Variants in BPIFA1 observed in about 807,000 individuals in gnomAD.
The protein encoded by BPIFA1 is BPI fold containing family A member 1.
Under a neutral mutation model 25.1 loss-of-function variants are expected in BPIFA1, and 24 were observed. That is an observed-to-expected ratio of 0.96 (90% CI 0.69 to 1.35). The LOEUF (loss-of-function observed/expected upper bound fraction) is 1.35. BPIFA1 is among the 40% of genes most tolerant of loss of function. The pLI is 0.00. For synonymous variants in BPIFA1, 139 were observed against 131.8 expected (o/e 1.05, Z -0.37); for missense variants, 344 against 303.7 (o/e 1.13, Z -0.99).
At position 33,237,756 on chromosome 20, in the gene BPIFA1, C is replaced by G; in HGVS notation, c.45C>G (p.Ala15=). 6.4e-7 allele frequency: 1 copy of G among 1,565,598 alleles called. No individual in the cohort carries two copies. The highest frequency in any genetic ancestry group is 8.6e-7 in the Non-Finnish European group (1 of 1,156,354). The stretch of plus-strand genomic sequence containing the variant: ...TCATTGTCTTCTACGGGCTGTTAGC[C>G]CAGACCATGGCCCAGTTTGGAGGCC... ...GGLIVFYGLL[A]QTMAQFGGLP... The change falls in exon 2 of 9, where the codon GCC becomes GCG. Residue 15 remains alanine (A), a synonymous_variant. Coordinates refer to ENST00000354297, the MANE Select transcript of BPIFA1 (RefSeq NM_130852.3).
At chr20:33,237,357 T>A (rs59991165) in intron 1 of BPIFA1, among the ~76,000 whole-genome samples, 3,073 of 152,182 alleles carry the variant, frequency 0.02, 94 homozygotes, top group African/African-American at 0.071. Flanking sequence ...CAAGATGGAG[T>A]GAGGTGAGGC....
Position 33,240,282 on chromosome 20 carries a change from A to C in BPIFA1, c.478A>C (p.Thr160Pro). The C allele has an allele frequency of 6.2e-7, 1 of 1,613,982 alleles. No individual in the cohort carries two copies. The highest frequency in any genetic ancestry group is 8.5e-7 in the Non-Finnish European group (1 of 1,179,860). ...GAGGCTGGCTGTGAAGCTGGACATCACTGCAGAAATCTTAGCTGTGAGAGA... is the reference window on the plus strand; with the variant it reads ...GAGGCTGGCTGTGAAGCTGGACATCCCTGCAGAAATCTTAGCTGTGAGAGA... Reference protein sequence around the residue: ...LLRLAVKLDITAEILAVRDKQ... With the variant: ...LLRLAVKLDIPAEILAVRDKQ... Residue 160 changes from threonine to proline, a missense_variant, in exon 5 of 9, where the codon ACT (threonine) becomes CCT (proline). Thr to Pro is a conservative substitution (Grantham distance 38). Transcript: ENST00000354297.
chr20:33,236,365 T>C (rs1441997319), intron 1 of BPIFA1, among the ~76,000 whole-genome samples: 3 of 152,196 alleles, frequency 2.0e-5, no homozygotes, highest in Admixed American at 2.0e-4. Context: ...TTTATACATT[T>C]TGATGCATTT....
intron 1 of BPIFA1, among the ~76,000 whole-genome samples, chr20:33,237,161 G>A (rs1229156723): frequency 3.3e-5 from 5 of 152,156 alleles, no homozygotes; most frequent in African/African-American, 4.8e-5. Flanking sequence ...GGTTCACCTG[G>A]CTCTAGCTTC....
intron 1 of BPIFA1, 46 bp from the exon 2 acceptor site, chr20:33,237,651 C>G: frequency 7.4e-7 from 1 of 1,352,116 alleles, no homozygotes; most frequent in Non-Finnish European, 9.6e-7. Flanking sequence ...TGGATAAATT[C>G]CTCTCTGATA....
intron 3 of BPIFA1, among the ~76,000 whole-genome samples, chr20:33,238,822 G>A (rs1473379262): frequency 2.6e-5 from 4 of 152,170 alleles, no homozygotes; most frequent in Non-Finnish European, 4.4e-5. Context: ...CCAGTGAGCC[G>A]GCAGAGCCTG....
rs74774136 is a variant in BPIFA1, at chr20:33,241,011, G to A, written c.582-374G>A. ...GGGGAGACTGTGTCAAACCTATTAC[G>A]CAAAAGTTGCCCACGTGGTTAACTT... On this transcript the variant is annotated intron_variant, in intron 5 of 8. Transcript: ENST00000354297. Among the ~76,000 whole-genome samples, 1,205 of 152,192 alleles carry A rather than the reference G, an allele frequency of 7.9e-3. 12 individuals carry two copies. The highest frequency in any genetic ancestry group is 0.027 in the African/African-American group (1,137 of 41,502).
intron 5 of BPIFA1, 123 bp downstream of exon 5, chr20:33,240,508 A>T: frequency 7.7e-7 from 1 of 1,297,552 alleles, no homozygotes; most frequent in Non-Finnish European, 1.1e-6. Flanking sequence ...GGGAAAATGG[A>T]TGGGAAGGAG....
rs1348896278 is a variant in BPIFA1, at chr20:33,240,312, C to T, written c.508C>T (p.Gln170Ter). 6.2e-7 allele frequency: 1 copy of T among 1,614,164 alleles called. No individual in the cohort carries two copies. The highest frequency in any genetic ancestry group is 1.1e-5 in the South Asian group (1 of 91,080). Reference sequence around the variant, plus strand: ...AGAAATCTTAGCTGTGAGAGATAAGCAGGAGAGGATCCACCTGGTCCTTGG... The same window carrying T: ...AGAAATCTTAGCTGTGAGAGATAAGTAGGAGAGGATCCACCTGGTCCTTGG... ...TAEILAVRDK[Q>*]ERIHLVLGDC... The change falls in exon 5 of 9, where the codon CAG (glutamine) becomes TAG (stop). Residue 170 changes from glutamine to a stop codon, truncating the protein, a stop_gained. Coordinates refer to ENST00000354297, the MANE Select transcript of BPIFA1 (RefSeq NM_130852.3). LOFTEE classifies it high-confidence loss of function.
At chr20:33,241,752 T>C (rs867595162) in intron 6 of BPIFA1, among the ~76,000 whole-genome samples, 50 of 152,210 alleles carry the variant, frequency 3.3e-4, no homozygotes, top group African/African-American at 1.1e-3. Context: ...CAGCCTTCTA[T>C]GGCCACAGAC....
Position 33,238,072 on chromosome 20 carries a change from C to T in BPIFA1, c.178C>T (p.Leu60=). The T allele has an allele frequency of 1.9e-6, 3 of 1,613,654 alleles. No homozygotes were observed. Among genetic ancestry groups the T allele is most frequent in the Non-Finnish European group, 2.5e-6 (3 of 1,179,814 alleles). ...ATTTCCAGCCCTCAGCAATGGCCTG[C>T]TGTCTGGGGGCCTGTTGGGCATTCT... is the stretch of plus-strand genomic sequence containing the variant. ...SLTNALSNGL[L]SGGLLGILEN... The change falls in exon 3 of 9, where the codon CTG becomes TTG. Residue 60 remains leucine, a synonymous_variant. Coordinates refer to ENST00000354297, the MANE Select transcript of BPIFA1 (RefSeq NM_130852.3).
chr20:33,242,142 T>C (rs1568632391), intron 7 of BPIFA1, 23 bp downstream of exon 7: 5 of 1,610,640 alleles, frequency 3.1e-6, no homozygotes, highest in Non-Finnish European at 3.4e-6. Flanking sequence ...TTTCAAGCCC[T>C]CTGTCCCTCT....
At chr20:33,241,218 C>G (rs1016770641) in intron 5 of BPIFA1, among the ~76,000 whole-genome samples, 167 bp from the exon 6 acceptor site, 4 of 152,204 alleles carry the variant, frequency 2.6e-5, no homozygotes, top group Non-Finnish European at 4.4e-5. Flanking sequence ...ACAAATGTAA[C>G]TCCCTTTACA....
intron 1 of BPIFA1, among the ~76,000 whole-genome samples, chr20:33,237,252 G>T (rs1190856736): frequency 6.6e-6 from 1 of 152,196 alleles, no homozygotes; most frequent in Non-Finnish European, 1.5e-5. Context: ...TTCAAGAAGG[G>T]ATGGGAGTAT....
intron 5 of BPIFA1, among the ~76,000 whole-genome samples, chr20:33,241,039 A>G (rs549709540): frequency 6.6e-6 from 1 of 152,346 alleles, no homozygotes; most frequent in African/African-American, 2.4e-5. Context: ...GTTAACTTTT[A>G]ATGAACACAT....
chr20:33,237,865 A>G lies in BPIFA1; in HGVS notation c.154A>G (p.Thr52Ala). The G allele has an allele frequency of 6.4e-7, 1 of 1,572,078 alleles. No individual in the cohort carries two copies. The highest frequency in any genetic ancestry group is 1.4e-5 in the African/African-American group (1 of 73,392). ...TCCCACAGGTCTTGCAGGAAGCTTG[A>G]CAAATGGTGAGTTTTCAGGGGTGTA... is the stretch of plus-strand genomic sequence containing the variant. ...LSPTGLAGSL[T>A]NALSNGLLSG... Residue 52 changes from threonine to alanine, a missense_variant, in exon 2 of 9, where the codon ACA becomes GCA. By Grantham distance (58) the Thr-to-Ala change is moderately conservative. Coordinates refer to ENST00000354297, the MANE Select transcript of BPIFA1 (RefSeq NM_130852.3).
chr20:33,242,659 G>A, intron 8 of BPIFA1, 98 bp downstream of exon 8: 1 of 873,288 alleles, frequency 1.1e-6, no homozygotes, highest in South Asian at 1.5e-5. Context: ...TCCAAAGAAA[G>A]AGACAAACAT....
chr20:33,238,060 A>C lies in BPIFA1; in HGVS notation c.166A>C (p.Ser56Arg). The change falls in exon 3 of 9, where the codon AGC becomes CGC. Residue 56 changes from serine (S) to arginine (R), a missense_variant. Ser to Arg is a moderately radical substitution (Grantham distance 110). Coordinates refer to ENST00000354297, the MANE Select transcript of BPIFA1 (RefSeq NM_130852.3). Reference sequence around the variant, plus strand: ...ACCCTTACACCCATTTCCAGCCCTCAGCAATGGCCTGCTGTCTGGGGGCCT... The same window carrying C: ...ACCCTTACACCCATTTCCAGCCCTCCGCAATGGCCTGCTGTCTGGGGGCCT... ...GLAGSLTNALSNGLLSGGLLG... is the reference protein window; with the variant it reads ...GLAGSLTNALRNGLLSGGLLG... 1 of 1,613,206 alleles carries C rather than the reference A, an allele frequency of 6.2e-7. No homozygotes were observed. The highest frequency in any genetic ancestry group is 1.1e-5 in the South Asian group (1 of 90,962).
At chr20:33,241,960 G>C in intron 6 of BPIFA1, 96 bp from the exon 7 acceptor site, 1 of 1,142,458 alleles carries the variant, frequency 8.8e-7, no homozygotes, top group Non-Finnish European at 1.3e-6. Flanking sequence ...CTTTCACACA[G>C]AAAAATGACA....
Sources: allele counts gnomAD v4.1 joint callset (sites outside exome capture counted in the v4.1 genomes callset), GRCh38; gene constraint gnomAD v4.1.1; transcripts MANE v1.5; gene names NCBI Gene and HGNC (gene_info 2026-07-23, HGNC 2026-07-21).